GXYLT1: variants seen among roughly 807,000 people sequenced by gnomAD.
The protein encoded by GXYLT1 is glucoside xylosyltransferase 1.
Under a neutral mutation model 54.0 loss-of-function variants are expected in GXYLT1, and 29 were observed. The ratio of observed to expected loss-of-function variants is 0.54; its 90% CI spans 0.40 to 0.73. The LOEUF is 0.73. Ranked by LOEUF, GXYLT1 falls within the 30% of genes least tolerant of loss-of-function variation. GXYLT1 has a pLI of 0.00. For synonymous variants in GXYLT1, 176 were observed against 204.1 expected, an observed-to-expected ratio of 0.86 and a Z score of 1.17; for missense variants, 490 against 553.4, an observed-to-expected ratio of 0.89 and a Z score of 1.15.
intron 1 of GXYLT1, among the ~76,000 whole-genome samples, chr12:42,132,219 T>C (rs184802386): frequency 2.6e-5 from 4 of 152,314 alleles, no homozygotes; most frequent in Admixed American, 2.0e-4. Flanking sequence ...CCATACCCAG[T>C]TAATCAAGAC....
At chr12:42,106,145 A>C (rs966645619) in intron 4 of GXYLT1, 76 bp from the exon 5 acceptor site, 18 of 955,340 alleles carry the variant, frequency 1.9e-5, no homozygotes, top group East Asian at 1.0e-4. Context: ...CTAATTGTGT[A>C]AGATACACCT....
At chr12:42,124,295 AGTC>A (rs2065548073) in intron 2 of GXYLT1, among the ~76,000 whole-genome samples, 3 of 152,150 alleles carry the variant, frequency 2.0e-5, no homozygotes, top group South Asian at 4.1e-4. Context: ...TAAAAACTAA[AGTC>A]ATAGAAAAAT....
intron 2 of GXYLT1, among the ~76,000 whole-genome samples, chr12:42,124,178 C>T (rs892016643): frequency 6.6e-6 from 1 of 151,726 alleles, no homozygotes; most frequent in Non-Finnish European, 1.5e-5. Context: ...ATGAACTACT[C>T]AAAATAATAC....
chr12:42,097,180 A>C (rs2136879356), intron 7 of GXYLT1, among the ~76,000 whole-genome samples: 1 of 152,124 alleles, frequency 6.6e-6, no homozygotes, highest in East Asian at 1.9e-4. Context: ...AAAAAAAAAA[A>C]CTGAAGTTTT....
chr12:42,088,399 A>G (rs141429871), intron 7 of GXYLT1, among the ~76,000 whole-genome samples: 143 of 152,276 alleles, frequency 9.4e-4, no homozygotes, highest in African/African-American at 3.2e-3. Flanking sequence ...AGATGATAAC[A>G]TAGTTCAGCA....
At chr12:42,133,774 A>G (rs2065605172) in intron 1 of GXYLT1, among the ~76,000 whole-genome samples, 1 of 152,232 alleles carries the variant, frequency 6.6e-6, no homozygotes, top group Non-Finnish European at 1.5e-5. Context: ...ATGGACATGG[A>G]TCATACTGTC....
intron 2 of GXYLT1, among the ~76,000 whole-genome samples, chr12:42,119,914 A>C (rs2065520438): frequency 6.6e-6 from 1 of 152,202 alleles, no homozygotes; most frequent in Admixed American, 6.5e-5. Flanking sequence ...AGCTCTTCTC[A>C]CCAATTTTCC....
At chr12:42,101,944 A>C (rs920138753) in intron 5 of GXYLT1, among the ~76,000 whole-genome samples, 2 of 152,222 alleles carry the variant, frequency 1.3e-5, no homozygotes, top group African/African-American at 4.8e-5. Flanking sequence ...TGGAGGCATG[A>C]AAGTGTGAAG....
intron 4 of GXYLT1, among the ~76,000 whole-genome samples, chr12:42,106,355 A>T (rs1173297733): frequency 6.6e-6 from 1 of 152,216 alleles, no homozygotes; most frequent in African/African-American, 2.4e-5. Flanking sequence ...CAGGGAGGAA[A>T]TGTTTTTCAT....
chr12:42,113,008 G>A (rs538178373), intron 3 of GXYLT1, among the ~76,000 whole-genome samples: 56 of 151,196 alleles, frequency 3.7e-4, no homozygotes, highest in Middle Eastern at 3.4e-3. Context: ...TTTTCAACCC[G>A]GAATTTCATA....
intron 3 of GXYLT1, among the ~76,000 whole-genome samples, chr12:42,110,178 T>C (rs2065444710): frequency 6.6e-6 from 1 of 152,260 alleles, no homozygotes; most frequent in African/African-American, 2.4e-5. Context: ...TCTGAGAATA[T>C]TCTGATACAT....
chr12:42,114,629 C>A (rs921722375), intron 3 of GXYLT1, among the ~76,000 whole-genome samples: 22 of 152,212 alleles, frequency 1.4e-4, no homozygotes, highest in African/African-American at 5.3e-4. Context: ...GAAATTGAGG[C>A]AATAATCAAT....
At chr12:42,123,176 G>C (rs2065541711) in intron 2 of GXYLT1, among the ~76,000 whole-genome samples, 1 of 152,098 alleles carries the variant, frequency 6.6e-6, no homozygotes, top group African/African-American at 2.4e-5. Context: ...GTCCTGAATG[G>C]GGAGGAAAAG....
Position 42,086,770 on chromosome 12 carries a change from C to T in GXYLT1, c.*1016G>A, listed in dbSNP as rs992793905. On this transcript the variant is annotated 3_prime_UTR_variant, in exon 8 of 8. Coordinates refer to ENST00000398675, the MANE Select transcript of GXYLT1 (RefSeq NM_173601.2). ...AACTTACTTAAAGTAAGGCTCTAGA[C>T]ATTTGCTTCTTCAAAAGTATCTTGC... 25 of 152,114 alleles carry T rather than the reference C, an allele frequency of 1.6e-4. No homozygotes were observed. The highest frequency in any genetic ancestry group is 5.8e-4 in the African/African-American group (24 of 41,424). The allele number at this position is 152,114 out of a possible 1,614,324, so 9.4% of individuals were successfully genotyped here.
intron 1 of GXYLT1, among the ~76,000 whole-genome samples, chr12:42,139,535 G>A (rs996382458): frequency 4.6e-5 from 7 of 152,128 alleles, no homozygotes; most frequent in South Asian, 2.1e-4. Flanking sequence ...GGGAGAAGGC[G>A]CCATCTATGA....
intron 2 of GXYLT1, among the ~76,000 whole-genome samples, chr12:42,121,559 G>A (rs566601335): frequency 6.6e-6 from 1 of 151,994 alleles, no homozygotes; most frequent in Middle Eastern, 3.2e-3. Context: ...GAGTCCAGGA[G>A]TCCGACGTTG....
chr12:42,110,234 T>A (rs1224388939), intron 3 of GXYLT1, among the ~76,000 whole-genome samples: 1 of 152,294 alleles, frequency 6.6e-6, no homozygotes, highest in South Asian at 2.1e-4. Context: ...GCAAAATGTA[T>A]CTGAAAATCT....
rs189497431 is a variant in GXYLT1 at position 42,140,261 on chromosome 12, T to C, written c.221+4165A>G. Among the ~76,000 whole-genome samples, 184 of 143,092 alleles carry C rather than the reference T, an allele frequency of 1.3e-3. 1 individual carries two copies. The highest frequency in any genetic ancestry group is 4.6e-3 in the African/African-American group (177 of 38,408). 93.9% of individuals were successfully genotyped at this position (143,092 alleles called of 152,430 possible). On this transcript the variant is annotated intron_variant, in intron 1 of 7. Transcript: ENST00000398675. Reference sequence around the variant, plus strand: ...AAAATAGTGCCCAAACTATTCTCAATTTTTGGTTTTATAACAAGCTGGAGC... The same window carrying C: ...AAAATAGTGCCCAAACTATTCTCAACTTTTGGTTTTATAACAAGCTGGAGC...
At chr12:42,116,381 T>A (rs2065494974) in intron 3 of GXYLT1, among the ~76,000 whole-genome samples, 1 of 152,142 alleles carries the variant, frequency 6.6e-6, no homozygotes, top group Non-Finnish European at 1.5e-5. Flanking sequence ...AAGCTACTCA[T>A]CTGACAAAGG....
Sources: gnomAD v4.1 joint callset for allele counts (sites outside exome capture counted in the v4.1 genomes callset) on GRCh38, gnomAD v4.1.1 for gene constraint, MANE v1.5 for transcripts, NCBI Gene and HGNC (gene_info 2026-07-23, HGNC 2026-07-21) for gene names.